ZNF354B: variants seen among roughly 807,000 people sequenced by gnomAD.
ZNF354B encodes the protein zinc finger protein 354B.
ZNF354B carries 10 observed loss-of-function variants against 12.9 expected under a neutral mutation model. The ratio of observed to expected loss-of-function variants is 0.77; its 90% CI spans 0.48 to 1.31. The LOEUF (loss-of-function observed/expected upper bound fraction) is 1.31. Among genes scored for constraint, ZNF354B ranks in the 40% most tolerant of loss-of-function variants. The pLI is 0.00. For missense variants in ZNF354B, 614 were observed against 711.7 expected (o/e 0.86, Z 1.56); for synonymous variants, 260 against 243.7 (o/e 1.07, Z -0.62).
chr5:178,884,321 AC>A lies in ZNF354B; in HGVS notation c.*31del. On this transcript the variant is annotated 3_prime_UTR_variant, in exon 5 of 5. Coordinates refer to ENST00000322434, the MANE Select transcript of ZNF354B (RefSeq NM_058230.3). Reference sequence around the variant, plus strand: ...CTTAAACCAAAACTCATCAGAGAATACATGCTTGAGAGTGATTTATTAAATA... The same window carrying A: ...CTTAAACCAAAACTCATCAGAGAATAATGCTTGAGAGTGATTTATTAAATA... 6.5e-7 allele frequency: 1 copy of A among 1,536,382 alleles called. No homozygotes were observed. The highest frequency in any genetic ancestry group is 8.7e-7 in the Non-Finnish European group (1 of 1,146,580).
chr5:178,874,497 T>C (rs749264989), intron 4 of ZNF354B, among the ~76,000 whole-genome samples: 2 of 152,258 alleles, frequency 1.3e-5, no homozygotes, highest in African/African-American at 2.4e-5. Flanking sequence ...AGCCAGACTT[T>C]GAGCTCTGAG....
intron 4 of ZNF354B, among the ~76,000 whole-genome samples, chr5:178,872,315 A>G (rs1259930113): frequency 1.3e-5 from 2 of 152,092 alleles, no homozygotes; most frequent in South Asian, 2.1e-4. Flanking sequence ...AGTTGTATAC[A>G]TCAGTACTTC....
At chr5:178,882,558 A>G (rs1227249402) in intron 4 of ZNF354B, 151 bp from the exon 5 acceptor site, 1 of 683,464 alleles carries the variant, frequency 1.5e-6, no homozygotes, top group Non-Finnish European at 2.2e-6. Context: ...TTCAGCTGTC[A>G]TCCATTATTT....
intron 2 of ZNF354B, 127 bp from the exon 3 acceptor site, chr5:178,866,117 T>C: frequency 7.3e-7 from 1 of 1,366,328 alleles, no homozygotes; most frequent in Non-Finnish European, 9.8e-7. Context: ...ATTAAAGGAA[T>C]GACCTGGAAC....
At chr5:178,860,217 G>C (rs886784416) in intron 1 of ZNF354B, 90 bp downstream of exon 1, 8 of 141,840 alleles carry the variant, frequency 5.6e-5, no homozygotes, top group Non-Finnish European at 1.3e-4. Flanking sequence ...CTCTGTGGGC[G>C]CGGGGGGGCA....
In ZNF354B at chr5:178,884,394, A is replaced by C. The variant is rs1231865696; in HGVS notation, c.*103A>C. On this transcript the variant is annotated 3_prime_UTR_variant, in exon 5 of 5. Coordinates refer to ENST00000322434, the MANE Select transcript of ZNF354B (RefSeq NM_058230.3). ...TAGTTCTCATCAGATACTAAGTTTT[A>C]AGAATAAACTTTAGCTATGTAATAA... The C allele has an allele frequency of 8.0e-7, 1 of 1,256,136 alleles. No individual in the cohort carries two copies. Among genetic ancestry groups the C allele is most frequent in the Non-Finnish European group, 1.1e-6 (1 of 924,626 alleles). The allele number at this position is 1,256,136 out of a possible 1,614,324, so 77.8% of individuals were successfully genotyped here.
At chr5:178,867,146 G>A in intron 4 of ZNF354B, 75 bp downstream of exon 4, 1 of 1,394,502 alleles carries the variant, frequency 7.2e-7, no homozygotes, top group Non-Finnish European at 1.0e-6. Context: ...TAGGAACATT[G>A]GTTGGGAAAC....
intron 2 of ZNF354B, among the ~76,000 whole-genome samples, chr5:178,864,380 A>G (rs553745793): frequency 9.8e-5 from 15 of 152,328 alleles, no homozygotes; most frequent in African/African-American, 3.6e-4. Context: ...AGGCTGTACC[A>G]TATAGCCCGG....
intron 4 of ZNF354B, among the ~76,000 whole-genome samples, chr5:178,867,728 C>T (rs780697375): frequency 1.3e-5 from 2 of 152,086 alleles, no homozygotes; most frequent in African/African-American, 4.8e-5. Flanking sequence ...ATGAAAATTA[C>T]ATGTATGTGT....
At chr5:178,863,746 C>T (rs1325530475) in intron 2 of ZNF354B, among the ~76,000 whole-genome samples, 3 of 152,126 alleles carry the variant, frequency 2.0e-5, no homozygotes, top group Non-Finnish European at 2.9e-5. Flanking sequence ...GTGTCATTGC[C>T]CCTGAAGACC....
At chr5:178,862,681 A>G (rs76626092) in intron 2 of ZNF354B, among the ~76,000 whole-genome samples, 22,587 of 152,174 alleles carry the variant, frequency 0.15, 2,059 homozygotes, top group African/African-American at 0.25. Context: ...TTATCTTTTA[A>G]ACTAGCCAAG....
At chr5:178,877,107 G>A (rs141386850) in intron 4 of ZNF354B, among the ~76,000 whole-genome samples, 2 of 151,982 alleles carry the variant, frequency 1.3e-5, no homozygotes, top group Non-Finnish European at 1.5e-5. Flanking sequence ...CTGAGCCCAC[G>A]TCTTTCCCTG....
At chr5:178,878,299 C>T (rs962469716) in intron 4 of ZNF354B, among the ~76,000 whole-genome samples, 1 of 151,596 alleles carries the variant, frequency 6.6e-6, no homozygotes, top group Non-Finnish European at 1.5e-5. Flanking sequence ...AGGAGAATGG[C>T]GTGAACCCGG....
At chr5:178,872,297 A>G (rs1367819797) in intron 4 of ZNF354B, among the ~76,000 whole-genome samples, 1 of 152,086 alleles carries the variant, frequency 6.6e-6, no homozygotes, top group South Asian at 2.1e-4. Flanking sequence ...CTGGAAATTC[A>G]TCTGTGTAGT....
At chr5:178,867,905 C>A (rs1055598989) in intron 4 of ZNF354B, among the ~76,000 whole-genome samples, 1 of 152,030 alleles carries the variant, frequency 6.6e-6, no homozygotes, top group Non-Finnish European at 1.5e-5. Context: ...CTATGTGATT[C>A]GAATTTAATA....
intron 3 of ZNF354B, 83 bp downstream of exon 3, chr5:178,866,453 AC>A: frequency 6.5e-7 from 1 of 1,528,698 alleles, no homozygotes; most frequent in South Asian, 1.3e-5. Flanking sequence ...GCAGTTGATC[AC>A]TGAAAAATTT....
rs1434398002 is a variant in ZNF354B, at chr5:178,860,078, T to TG, written c.-100dup. The stretch of plus-strand genomic sequence containing the variant: ...GGTCACGAGGCTGGAGCTTCCTGCT[T>TG]GCAGAGTGCGGCGGGGAGGCGCGGC... On this transcript the variant is annotated 5_prime_UTR_variant, in exon 1 of 5. Coordinates refer to ENST00000322434, the MANE Select transcript of ZNF354B (RefSeq NM_058230.3). 1 of 152,436 alleles carries TG rather than the reference T, an allele frequency of 6.6e-6. No homozygotes were observed. Among genetic ancestry groups the TG allele is most frequent in the Non-Finnish European group, 1.5e-5 (1 of 68,244 alleles). The allele number at this position is 152,436 out of a possible 1,614,324, so 9.4% of individuals were successfully genotyped here.
At chr5:178,881,279 G>A (rs1477555863) in intron 4 of ZNF354B, among the ~76,000 whole-genome samples, 1 of 149,316 alleles carries the variant, frequency 6.7e-6, no homozygotes, top group Non-Finnish European at 1.5e-5. Flanking sequence ...GTGCTATGAT[G>A]TCTGTTGGGT....
chr5:178,877,433 T>A (rs1757654919), intron 4 of ZNF354B, among the ~76,000 whole-genome samples: 1 of 152,092 alleles, frequency 6.6e-6, no homozygotes, highest in South Asian at 2.1e-4. Flanking sequence ...CCTTCCAAAG[T>A]GCTGGGATTA....
Sources: gnomAD v4.1 joint callset for allele counts (sites outside exome capture counted in the v4.1 genomes callset) on GRCh38, gnomAD v4.1.1 for gene constraint, MANE v1.5 for transcripts, NCBI Gene and HGNC (gene_info 2026-07-23, HGNC 2026-07-21) for gene names.